The following AP3B1 variants were observed in gnomAD, a reference collection of about 807,000 sequenced individuals.
The protein encoded by AP3B1 is AP-3 complex subunit beta-1.
Under a neutral mutation model 132.5 loss-of-function variants are expected in AP3B1, and 61 were observed. The observed-to-expected ratio is 0.46, with a 90% CI of 0.37 to 0.57. The LOEUF (loss-of-function observed/expected upper bound fraction) is 0.57. AP3B1 is among the 20% of genes least tolerant of loss of function. The pLI, the probability that AP3B1 is intolerant of heterozygous loss-of-function variation, is 0.00. For synonymous variants in AP3B1, 388 were observed against 438.3 expected (o/e 0.89, Z 1.43); for missense variants, 1,120 against 1,289.4 (o/e 0.87, Z 2.01).
At chr5:78,222,240 T>C (rs564205407) in intron 6 of AP3B1, 1 of 152,892 alleles carries the variant, frequency 6.5e-6, no homozygotes, top group East Asian at 1.9e-4. Context: ...GAAAAGGGTG[T>C]CTGAGACCTG....
chr5:78,081,160 T>C (rs570435510), intron 22 of AP3B1, among the ~76,000 whole-genome samples: 34 of 152,168 alleles, frequency 2.2e-4, no homozygotes, highest in Non-Finnish European at 4.1e-4. Flanking sequence ...AGATGAGAGA[T>C]GGCTTAACCC....
chr5:78,117,887 A>C (rs1751930146), intron 17 of AP3B1, among the ~76,000 whole-genome samples: 1 of 152,180 alleles, frequency 6.6e-6, no homozygotes, highest in Non-Finnish European at 1.5e-5. Context: ...GGAAATGTAT[A>C]CTTCTGAAAA....
chr5:78,077,879 T>C lies in AP3B1; in HGVS notation c.2577+11514A>G, dbSNP rs140744444. Among the ~76,000 whole-genome samples the C allele has an allele frequency of 3.3e-4, 50 of 152,340 alleles. No homozygotes were observed. In the East Asian group the frequency reaches 5.4e-3, roughly 16 times the overall value. The stretch of plus-strand genomic sequence containing the variant: ...TGTGAGTTTCCTCATAACACGCTGC[T>C]CTATGACTCACCTCCTTCTTTCACT... On this transcript the variant is annotated intron_variant, in intron 22 of 26. Coordinates refer to ENST00000255194, the MANE Select transcript of AP3B1 (RefSeq NM_003664.5).
At position 78,213,632 on chromosome 5, in the gene AP3B1, C is replaced by T. The variant is rs142190454; in HGVS notation, c.786+2423G>A. 3.0e-3 allele frequency among the ~76,000 whole-genome samples: 463 copies of T among 152,252 alleles called. 4 individuals are homozygous for T. Among genetic ancestry groups the T allele is most frequent in the African/African-American group, 0.011 (443 of 41,562 alleles). On this transcript the variant is annotated intron_variant, in intron 7 of 26. Transcript: ENST00000255194. Reference sequence around the variant, plus strand: ...TAATTTTTCCTTGAATTGAGGTCAACTGATATCAACTTAAATTAATAAATA... The same window carrying T: ...TAATTTTTCCTTGAATTGAGGTCAATTGATATCAACTTAAATTAATAAATA...
intron 23 of AP3B1, among the ~76,000 whole-genome samples, chr5:78,035,317 T>C (rs1747763101): frequency 6.6e-6 from 1 of 152,020 alleles, no homozygotes; most frequent in Non-Finnish European, 1.5e-5. Flanking sequence ...TGATTTCTAC[T>C]TTGCTCAAAG....
chr5:78,230,459 C>T (rs967342065), intron 3 of AP3B1, among the ~76,000 whole-genome samples: 1 of 152,034 alleles, frequency 6.6e-6, no homozygotes, highest in Non-Finnish European at 1.5e-5. Context: ...ATGAAAAAAC[C>T]TTTTTCCAAT....
intron 23 of AP3B1, among the ~76,000 whole-genome samples, chr5:78,035,725 G>C (rs1248224663): frequency 6.6e-6 from 1 of 152,052 alleles, no homozygotes; most frequent in East Asian, 1.9e-4. Flanking sequence ...TTAGTTTGCT[G>C]ATTCTAGTTT....
chr5:78,092,392 T>C (rs74817627), intron 21 of AP3B1, among the ~76,000 whole-genome samples: 5,164 of 152,272 alleles, frequency 0.034, 283 homozygotes, highest in African/African-American at 0.11. Context: ...AAAGTTGGCA[T>C]TGAAAGCTTA....
At chr5:78,271,999 G>A (rs1479554484) in intron 1 of AP3B1, among the ~76,000 whole-genome samples, 1 of 152,154 alleles carries the variant, frequency 6.6e-6, no homozygotes, top group African/African-American at 2.4e-5. Context: ...TGAGAGTCCA[G>A]CACTTTTAAA....
intron 1 of AP3B1, among the ~76,000 whole-genome samples, chr5:78,271,550 G>A (rs116364109): frequency 6.6e-6 from 1 of 152,110 alleles, no homozygotes; most frequent in Non-Finnish European, 1.5e-5. Flanking sequence ...CTCAACTCTT[G>A]GTAATCTCAT....
chr5:78,071,998 T>C (rs961007092), intron 22 of AP3B1, among the ~76,000 whole-genome samples: 3 of 152,222 alleles, frequency 2.0e-5, no homozygotes, highest in Admixed American at 6.5e-5. Flanking sequence ...TCAGGTCACA[T>C]ATTCTATGAA....
intron 20 of AP3B1, among the ~76,000 whole-genome samples, chr5:78,104,250 T>C (rs1001971968): frequency 2.0e-5 from 3 of 152,184 alleles, no homozygotes; most frequent in African/African-American, 7.2e-5. Flanking sequence ...TTTAAAAATC[T>C]GAGGCTAACA....
intron 1 of AP3B1, among the ~76,000 whole-genome samples, chr5:78,286,402 A>G (rs1749283173): frequency 6.6e-6 from 1 of 152,132 alleles, no homozygotes; most frequent in Admixed American, 6.5e-5. Flanking sequence ...GGCCCTTGCA[A>G]AAGAGGCTTC....
intron 14 of AP3B1, among the ~76,000 whole-genome samples, chr5:78,153,248 T>C (rs994191447): frequency 6.6e-6 from 1 of 152,198 alleles, no homozygotes; most frequent in Admixed American, 6.5e-5. Context: ...TTTAAAGTCA[T>C]TATATCCTCT....
chr5:78,185,922 A>G (rs944506288), intron 7 of AP3B1, among the ~76,000 whole-genome samples: 2 of 152,168 alleles, frequency 1.3e-5, no homozygotes, highest in African/African-American at 4.8e-5. Flanking sequence ...GATATATTCA[A>G]ATTAACTGCA....
intron 2 of AP3B1, among the ~76,000 whole-genome samples, chr5:78,245,898 G>A (rs1747359551): frequency 6.6e-6 from 1 of 152,198 alleles, no homozygotes; most frequent in Admixed American, 6.5e-5. Flanking sequence ...CAGTACCAGC[G>A]ATTCTGCCCT....
intron 20 of AP3B1, among the ~76,000 whole-genome samples, chr5:78,109,142 T>C (rs1223147429): frequency 6.6e-6 from 1 of 152,162 alleles, no homozygotes; most frequent in East Asian, 1.9e-4. Flanking sequence ...TAAGATTTTA[T>C]GTGAATTTTT....
chr5:78,262,545 C>T (rs1476586997), intron 2 of AP3B1, among the ~76,000 whole-genome samples: 3 of 152,166 alleles, frequency 2.0e-5, no homozygotes, highest in Admixed American at 6.5e-5. Context: ...CCATTTACGT[C>T]AGGGTTGATT....
chr5:78,073,216 C>T (rs1749620896), intron 22 of AP3B1, among the ~76,000 whole-genome samples: 1 of 152,076 alleles, frequency 6.6e-6, no homozygotes, highest in Non-Finnish European at 1.5e-5. Context: ...ATAACATCTT[C>T]CATGTTTAGG....
Sources: allele counts gnomAD v4.1 joint callset (sites outside exome capture counted in the v4.1 genomes callset), GRCh38; gene constraint gnomAD v4.1.1; transcripts MANE v1.5; gene names NCBI Gene and HGNC (gene_info 2026-07-23, HGNC 2026-07-21).